PLEKHA6: variants seen among roughly 807,000 people sequenced by gnomAD.
The protein encoded by PLEKHA6 is pleckstrin homology domain-containing family A member 6.
A neutral mutation model predicts 116.7 loss-of-function variants in PLEKHA6; 60 were observed. The observed-to-expected ratio is 0.51, with a 90% CI of 0.42 to 0.64. PLEKHA6 has a LOEUF of 0.64. Ranked by LOEUF, PLEKHA6 falls within the 30% of genes least tolerant of loss-of-function variation. The pLI is 0.00. For missense variants in PLEKHA6, 1,338 were observed against 1,422.7 expected, an observed-to-expected ratio of 0.94 and a Z score of 0.96; for synonymous variants, 489 against 556.1, an observed-to-expected ratio of 0.88 and a Z score of 1.70.
intron 1 of PLEKHA6, among the ~76,000 whole-genome samples, chr1:204,322,324 G>A (rs1367343092): frequency 1.3e-5 from 2 of 152,134 alleles, no homozygotes; most frequent in Non-Finnish European, 2.9e-5. Context: ...AGGAAATGAT[G>A]ATCTATTCAC....
chr1:204,356,431 G>C (rs1177745442), intron 1 of PLEKHA6, among the ~76,000 whole-genome samples: 2 of 152,084 alleles, frequency 1.3e-5, no homozygotes, highest in Non-Finnish European at 2.9e-5. Context: ...GCCAGGTATG[G>C]TGACATGCAC....
intron 1 of PLEKHA6, among the ~76,000 whole-genome samples, chr1:204,292,462 T>C (rs1669865724): frequency 2.0e-5 from 3 of 152,272 alleles, no homozygotes; most frequent in East Asian, 3.9e-4. Context: ...TGCCCACCTA[T>C]GTCCCTCACC....
rs369385925 is a variant in PLEKHA6, at chr1:204,244,964, G to A, written c.2072C>T (p.Pro691Leu). 4.7e-5 allele frequency: 69 copies of A among 1,468,066 alleles called. No homozygotes were observed. The African/African-American group carries it at 6.8e-4, about 15-fold the overall frequency. 90.9% of individuals were successfully genotyped at this position (1,468,066 alleles called of 1,614,324 possible). ...GPSATYSSNS[P>L]ASPLSSASLT... ...GCTGGCAGAGCTGAGGGGGCTGGCC[G>A]GGCTGTTGGAGCTGTAGGTGGCTGA... is the stretch of plus-strand genomic sequence containing the variant. Residue 691 changes from proline (P) to leucine (L), a missense_variant, in exon 15 of 23, where the codon CCG (proline) becomes CTG (leucine). Around this residue, in one of 3 missense-constraint regions of PLEKHA6, gnomAD observed 1,136 missense variants for 1,163.6 expected, o/e 0.98. Coordinates refer to ENST00000272203, the MANE Select transcript of PLEKHA6 (RefSeq NM_014935.5).
At chr1:204,240,833 G>C (rs1662707183) in intron 17 of PLEKHA6, among the ~76,000 whole-genome samples, 1 of 152,178 alleles carries the variant, frequency 6.6e-6, no homozygotes, top group Non-Finnish European at 1.5e-5. Flanking sequence ...TGCCAAAACA[G>C]ATTAACATGC....
At chr1:204,281,981 A>C (rs549546667) in intron 1 of PLEKHA6, among the ~76,000 whole-genome samples, 1 of 152,252 alleles carries the variant, frequency 6.6e-6, no homozygotes, top group African/African-American at 2.4e-5. Context: ...CCACAGGCAG[A>C]AGATAGAAGA....
At chr1:204,258,740 T>C (rs1665690852) in intron 8 of PLEKHA6, among the ~76,000 whole-genome samples, 2 of 152,230 alleles carry the variant, frequency 1.3e-5, no homozygotes, top group Admixed American at 1.3e-4. Flanking sequence ...GCGTAAATGG[T>C]CATAGATGGC....
At chr1:204,346,765 T>G (rs1288495861) in intron 1 of PLEKHA6, 8 of 957,264 alleles carry the variant, frequency 8.4e-6, no homozygotes, top group Non-Finnish European at 1.2e-5. Flanking sequence ...TTTTTTTTTT[T>G]TTAACACCTA....
At chr1:204,245,858 ACACAC>A in intron 13 of PLEKHA6, 132 bp from the exon 14 acceptor site, 1 of 590,800 alleles carries the variant, frequency 1.7e-6, no homozygotes, top group African/African-American at 1.9e-5. Context: ...ACACACACAC[ACACAC>A]ACACACACAC....
chr1:204,292,852 C>A (rs1259571223), intron 1 of PLEKHA6, among the ~76,000 whole-genome samples: 1 of 152,176 alleles, frequency 6.6e-6, no homozygotes, highest in Non-Finnish European at 1.5e-5. Context: ...AAAAAACAAC[C>A]AAATGCCACT....
In PLEKHA6 at chr1:204,228,741, T is replaced by C; in HGVS notation, c.2872A>G (p.Ile958Val). The C allele has an allele frequency of 6.2e-7, 1 of 1,614,008 alleles. No homozygotes were observed. Among genetic ancestry groups the C allele is most frequent in the Non-Finnish European group, 8.5e-7 (1 of 1,179,936 alleles). ...QKKVERIKTLIAKSSMQNVVP... is the reference protein window; with the variant it reads ...QKKVERIKTLVAKSSMQNVVP... Reference sequence around the variant, plus strand: ...CAGGCTGGTTACCTGGATTTGGCAATGAGTGTCTTGATCCTCTCCACCTTC... The same window carrying C: ...CAGGCTGGTTACCTGGATTTGGCAACGAGTGTCTTGATCCTCTCCACCTTC... The change falls in exon 20 of 23, where the codon ATT becomes GTT. Residue 958 changes from isoleucine (I) to valine (V), a missense_variant. By Grantham distance (29) the Ile-to-Val change is conservative. Around this residue, in one of 3 missense-constraint regions of PLEKHA6, gnomAD observed 1,136 missense variants for 1,163.6 expected, o/e 0.98. Coordinates refer to ENST00000272203, the MANE Select transcript of PLEKHA6 (RefSeq NM_014935.5). This position sits in a 1 kb window ranked among gnomAD's most constrained non-coding sequence, Gnocchi z 4.0.
intron 1 of PLEKHA6, chr1:204,298,049 G>A: frequency 4.3e-6 from 1 of 231,484 alleles, no homozygotes; most frequent in Non-Finnish European, 7.1e-6. Flanking sequence ...GAATCTAGAG[G>A]AGTGCTCTTG....
Position 204,245,698 on chromosome 1 carries a change from T to C in PLEKHA6, c.1949A>G (p.Lys650Arg). ...QNEVLNRQIQ[K>R]EIWRIQDVME... ...CACGTCCTGGATCCTCCAGATCTCC[T>C]TTTGGATTTGCCGGTTCAGCACCTC... Residue 650 changes from lysine to arginine, a missense_variant, in exon 14 of 23, where the codon AAG (lysine) becomes AGG (arginine). Transcript: ENST00000272203. 1.2e-6 allele frequency: 2 copies of C among 1,613,370 alleles called. No homozygotes were observed. Among genetic ancestry groups the C allele is most frequent in the Non-Finnish European group, 1.7e-6 (2 of 1,179,576 alleles).
rs544562026 is a variant in PLEKHA6, at chr1:204,261,587, C to T, written c.382-139G>A. On this transcript the variant is annotated intron_variant, in intron 6 of 22. Transcript: ENST00000272203. The surrounding 1 kb of genome is among the most constrained non-coding windows in gnomAD (Gnocchi z 4.0). ...CCTGCACCTGGGGCTCTTCCCCATGCGGAGCTCAGGAGCAAGGTGAAGAGG... is the reference window on the plus strand; with the variant it reads ...CCTGCACCTGGGGCTCTTCCCCATGTGGAGCTCAGGAGCAAGGTGAAGAGG... 39 of 966,172 alleles carry T rather than the reference C, an allele frequency of 4.0e-5. No individual in the cohort carries two copies. The Admixed American group carries it at 4.4e-4, about 11-fold the overall frequency. 59.8% of individuals were successfully genotyped at this position (966,172 alleles called of 1,614,324 possible).
intron 14 of PLEKHA6, 145 bp downstream of exon 14, chr1:204,245,470 C>G: frequency 1.6e-6 from 1 of 614,180 alleles, no homozygotes; most frequent in South Asian, 1.9e-5. Context: ...CACCCTAGAA[C>G]CCAGGGGAAG....
intron 1 of PLEKHA6, among the ~76,000 whole-genome samples, chr1:204,328,403 T>C (rs1185748447): frequency 7.3e-5 from 11 of 149,698 alleles, no homozygotes; most frequent in Admixed American, 2.0e-4. Flanking sequence ...TTCTTTCTTT[T>C]TTTTTTTTTT....
intron 1 of PLEKHA6, among the ~76,000 whole-genome samples, chr1:204,308,728 G>A (rs1456736536): frequency 4.2e-5 from 5 of 119,478 alleles, no homozygotes; most frequent in East Asian, 2.4e-4. Context: ...TCTGGCTGTC[G>A]CCCAGGCTGG....
At position 204,223,402 on chromosome 1, in the gene PLEKHA6, G is replaced by C; in HGVS notation, c.*8+60C>G. 1 of 835,080 alleles carries C rather than the reference G, an allele frequency of 1.2e-6. No individual in the cohort carries two copies. Among genetic ancestry groups the C allele is most frequent in the South Asian group, 1.4e-5 (1 of 69,820 alleles). The allele number at this position is 835,080 out of a possible 1,614,324, so 51.7% of individuals were successfully genotyped here. ...AATGAGAGGGCATAGATGGCTCAATGGGGGTGAAGGAAGGGGCCCCACTCC... is the reference window on the plus strand; with the variant it reads ...AATGAGAGGGCATAGATGGCTCAATCGGGGTGAAGGAAGGGGCCCCACTCC... On this transcript the variant is annotated intron_variant, in intron 22 of 22. Transcript: ENST00000272203. The surrounding 1 kb of genome is among the most constrained non-coding windows in gnomAD (Gnocchi z 4.8).
intron 1 of PLEKHA6, among the ~76,000 whole-genome samples, chr1:204,329,378 C>T (rs1253431957): frequency 1.3e-5 from 2 of 152,134 alleles, no homozygotes; most frequent in African/African-American, 4.8e-5. Flanking sequence ...CATCCCAGAG[C>T]CTCTACCACA....
intron 1 of PLEKHA6, among the ~76,000 whole-genome samples, chr1:204,330,168 T>C (rs1373286677): frequency 1.3e-5 from 2 of 152,242 alleles, no homozygotes; most frequent in Non-Finnish European, 2.9e-5. Context: ...CACTTGATCT[T>C]AGCCAAAAAG....
Sources: gnomAD v4.1 joint callset for allele counts (sites outside exome capture counted in the v4.1 genomes callset) on GRCh38, gnomAD v4.1.1 for gene constraint, gnomAD v4.1.1 regional missense constraint, Gnocchi (gnomAD v3.1) non-coding constraint, MANE v1.5 for transcripts, NCBI Gene and HGNC (gene_info 2026-07-23, HGNC 2026-07-21) for gene names.